The following OTUD7B variants were observed in gnomAD, a reference collection of about 807,000 sequenced individuals.
OTUD7B encodes OTU deubiquitinase 7B.
In OTUD7B, 34 loss-of-function variants were observed where a neutral mutation model predicts 82.2. That is an observed-to-expected ratio of 0.41 (90% CI 0.31 to 0.55). The LOEUF is 0.55. Among genes scored for constraint, OTUD7B ranks in the 20% least tolerant of loss-of-function variants. The pLI is 0.20. For missense variants in OTUD7B, 944 were observed against 1,062.1 expected, an observed-to-expected ratio of 0.89 and a Z score of 1.55; for synonymous variants, 398 against 402.7, an observed-to-expected ratio of 0.99 and a Z score of 0.14.
chr1:149,966,977 T>C (rs782344188), intron 4 of OTUD7B, among the ~76,000 whole-genome samples: 9 of 152,226 alleles, frequency 5.9e-5, no homozygotes, highest in Non-Finnish European at 1.2e-4. Flanking sequence ...ACAGCATTGG[T>C]CATTTCTGTT....
intron 4 of OTUD7B, among the ~76,000 whole-genome samples, chr1:149,966,558 A>G (rs1388703791): frequency 6.6e-6 from 1 of 152,246 alleles, no homozygotes; most frequent in African/African-American, 2.4e-5. Context: ...TCTTAATTCC[A>G]TGCAGTCATC....
intron 3 of OTUD7B, among the ~76,000 whole-genome samples, chr1:149,967,816 C>G (rs1649619082): frequency 6.6e-6 from 1 of 152,054 alleles, no homozygotes; most frequent in Non-Finnish European, 1.5e-5. Flanking sequence ...CCATATTTCC[C>G]AGTGTGATAG....
chr1:149,955,298 T>C (rs1313751441), intron 7 of OTUD7B, among the ~76,000 whole-genome samples: 1 of 152,250 alleles, frequency 6.6e-6, no homozygotes, highest in Non-Finnish European at 1.5e-5. Flanking sequence ...TTTCATTATG[T>C]ACCCAGTAGT....
chr1:149,979,153 T>C (rs1650536711), intron 1 of OTUD7B, among the ~76,000 whole-genome samples: 1 of 152,152 alleles, frequency 6.6e-6, no homozygotes, highest in Non-Finnish European at 1.5e-5. Flanking sequence ...GTAGCATCTA[T>C]AATATGGTAG....
Position 149,967,477 on chromosome 1 carries a change from C to CA in OTUD7B, c.318dup (p.Val107CysfsTer19). ...GAGACATGGGACCGGGCCAGGGAAACAATGCTGGAGCTGGCGTGGGAGATG... is the reference window on the plus strand; with the variant it reads ...GAGACATGGGACCGGGCCAGGGAAACAAATGCTGGAGCTGGCGTGGGAGATG... On this transcript the variant is annotated frameshift_variant, in exon 4 of 12. Coordinates refer to ENST00000581312, the MANE Select transcript of OTUD7B (RefSeq NM_020205.4). LOFTEE classifies it high-confidence loss of function. 6.2e-7 allele frequency: 1 copy of CA among 1,613,484 alleles called. No individual in the cohort carries two copies. Among genetic ancestry groups the CA allele is most frequent in the Non-Finnish European group, 8.5e-7 (1 of 1,179,664 alleles).
At position 149,942,768 on chromosome 1, in the gene OTUD7B, C is replaced by T. The variant is rs1647344567; in HGVS notation, c.*1089G>A. 6.6e-6 allele frequency: 1 copy of T among 152,396 alleles called. No homozygotes were observed. The highest frequency in any genetic ancestry group is 2.4e-5 in the African/African-American group (1 of 41,352). The allele number at this position is 152,396 out of a possible 1,614,324, so 9.4% of individuals were successfully genotyped here. A position where few individuals can be genotyped will look rare whatever the true frequency, so the allele number is the denominator to read the frequency against. Reference sequence around the variant, plus strand: ...AAAAGTAGAGCAAAGGGAGAAAGAACCACTTAAGTAGGAGGAAAAAAAATC... The same window carrying T: ...AAAAGTAGAGCAAAGGGAGAAAGAATCACTTAAGTAGGAGGAAAAAAAATC... On this transcript the variant is annotated 3_prime_UTR_variant, in exon 12 of 12. Transcript: ENST00000581312.
chr1:150,065,162 C>T, the OTUD7B span, among the ~76,000 whole-genome samples: 6 of 151,920 alleles, frequency 3.9e-5, no homozygotes, highest in African/African-American at 1.5e-4. Flanking sequence ...ACCTCAACCT[C>T]CTGGGCTCAG....
the OTUD7B span, among the ~76,000 whole-genome samples, chr1:150,034,341 C>T: frequency 6.6e-6 from 1 of 152,314 alleles, no homozygotes; most frequent in South Asian, 2.1e-4. Context: ...AACACATGTC[C>T]ATTGCTGCCT....
chr1:149,946,521 C>T (rs1647754289), intron 11 of OTUD7B, among the ~76,000 whole-genome samples: 2 of 151,882 alleles, frequency 1.3e-5, no homozygotes, highest in South Asian at 2.1e-4. Context: ...GTGGGTGGAT[C>T]ACCTGAGGTC....
chr1:150,030,296 C>T, the OTUD7B span, among the ~76,000 whole-genome samples: 2 of 152,102 alleles, frequency 1.3e-5, no homozygotes, highest in Admixed American at 1.3e-4. Flanking sequence ...CCTCCAGGCC[C>T]TACATTTATA....
the OTUD7B span, among the ~76,000 whole-genome samples, chr1:150,033,059 C>CT: frequency 8.7e-4 from 133 of 152,042 alleles, no homozygotes; most frequent in African/African-American, 2.8e-3. Flanking sequence ...AGACATTTAA[C>CT]TTTTTTTTGA....
chr1:149,972,165 C>G (rs1649983937), intron 2 of OTUD7B, among the ~76,000 whole-genome samples: 1 of 152,092 alleles, frequency 6.6e-6, no homozygotes, highest in Non-Finnish European at 1.5e-5. Context: ...TTTCCTTATC[C>G]GTGAAAATGC....
intron 6 of OTUD7B, among the ~76,000 whole-genome samples, chr1:149,960,547 C>T: frequency 6.6e-6 from 1 of 151,540 alleles, no homozygotes; most frequent in East Asian, 1.9e-4. Context: ...CCAGGCCCAG[C>T]TAATTTTTGT....
the OTUD7B span, among the ~76,000 whole-genome samples, chr1:150,045,651 G>A: frequency 6.6e-6 from 1 of 152,236 alleles, no homozygotes; most frequent in Non-Finnish European, 1.5e-5. Context: ...TTGCTTTCTT[G>A]TAACTTATGG....
At chr1:150,021,638 G>T in the OTUD7B span, among the ~76,000 whole-genome samples, 291 of 152,266 alleles carry the variant, frequency 1.9e-3, 2 homozygotes, top group African/African-American at 6.7e-3. Context: ...AACTAAGTCC[G>T]CATTGGATTT....
At chr1:149,994,029 G>A (rs1553782789) in intron 1 of OTUD7B, among the ~76,000 whole-genome samples, 1 of 152,102 alleles carries the variant, frequency 6.6e-6, no homozygotes, top group Non-Finnish European at 1.5e-5. Flanking sequence ...ACTACAAAAG[G>A]TATCAATTAG....
In OTUD7B at chr1:149,943,895, G is replaced by A. The variant is rs1258596043; in HGVS notation, c.2494C>T (p.Arg832Trp). ...ACCAGGAGCTCCCCATCCGGTTCCC[G>A]CTCCCTCCTCCTCAGTTCTTCCCTG... ...CYREELRRRE[R>W]EPDGELLVHR... The change falls in exon 12 of 12, where the codon CGG becomes TGG. Residue 832 changes from arginine (R) to tryptophan (W), a missense_variant. By Grantham distance (101) the Arg-to-Trp change is moderately radical. This residue lies in a region of OTUD7B where 412 missense variants were observed against 418.7 expected (regional missense o/e 0.98). Transcript: ENST00000581312. The A allele has an allele frequency of 3.1e-6, 5 of 1,614,166 alleles. No homozygotes were observed. The highest frequency in any genetic ancestry group is 1.1e-5 in the South Asian group (1 of 91,088).
At chr1:149,994,334 G>A (rs1033066841) in intron 1 of OTUD7B, among the ~76,000 whole-genome samples, 1 of 152,210 alleles carries the variant, frequency 6.6e-6, no homozygotes, top group Admixed American at 6.5e-5. Context: ...TATAATCCCA[G>A]CACTTTGGGA....
intron 1 of OTUD7B, among the ~76,000 whole-genome samples, chr1:149,996,913 G>C (rs1490102366): frequency 6.6e-6 from 1 of 152,152 alleles, no homozygotes; most frequent in Non-Finnish European, 1.5e-5. Context: ...GCCATACCTA[G>C]GATGACTGGT....
Sources: gnomAD v4.1 joint callset for allele counts (sites outside exome capture counted in the v4.1 genomes callset) on GRCh38, gnomAD v4.1.1 for gene constraint, gnomAD v4.1.1 regional missense constraint, MANE v1.5 for transcripts, NCBI Gene and HGNC (gene_info 2026-07-23, HGNC 2026-07-21) for gene names.